SNAP25: variants seen among roughly 807,000 people sequenced by gnomAD.
SNAP25 encodes synaptosome associated protein 25, also known as synaptosomal-associated protein 25.
SNAP25 carries 3 observed loss-of-function variants against 28.7 expected under a neutral mutation model. The observed-to-expected ratio is 0.10, with a 90% CI of 0.05 to 0.27. SNAP25 has a LOEUF of 0.27. SNAP25 is among the 10% of genes least tolerant of loss of function. SNAP25 has a pLI of 1.00. For missense variants in SNAP25, 117 were observed against 278.7 expected, an observed-to-expected ratio of 0.42 and a Z score of 4.13; for synonymous variants, 61 against 88.1, an observed-to-expected ratio of 0.69 and a Z score of 1.72.
intron 1 of SNAP25, among the ~76,000 whole-genome samples, chr20:10,224,257 C>CTTTGTTTTTTTT (rs2062690304): frequency 5.7e-5 from 1 of 17,420 alleles, no homozygotes; most frequent in Non-Finnish European, 9.5e-5. Flanking sequence ...ATGTACATGT[C>CTTTGTTTTTTTT]TTTTTTTTTT....
chr20:10,266,476 C>T (rs562032871), intron 1 of SNAP25, among the ~76,000 whole-genome samples: 156 of 152,256 alleles, frequency 1.0e-3, no homozygotes, highest in Non-Finnish European at 1.7e-3. Context: ...AAAAAGGTGG[C>T]TATTGTGAGC....
intron 1 of SNAP25, among the ~76,000 whole-genome samples, chr20:10,251,693 T>A (rs2063231341): frequency 1.3e-5 from 2 of 152,234 alleles, no homozygotes; most frequent in Non-Finnish European, 2.9e-5. Flanking sequence ...TAACCTTTCC[T>A]GGGTGGCTTT....
At chr20:10,250,977 C>T (rs1203769983) in intron 1 of SNAP25, among the ~76,000 whole-genome samples, 1 of 152,164 alleles carries the variant, frequency 6.6e-6, no homozygotes, top group Non-Finnish European at 1.5e-5. Flanking sequence ...CCTAAGTACA[C>T]ACTATGATGT....
At chr20:10,280,926 T>C (rs1211361653) in intron 3 of SNAP25, among the ~76,000 whole-genome samples, 2 of 152,198 alleles carry the variant, frequency 1.3e-5, no homozygotes, top group Non-Finnish European at 2.9e-5. Context: ...AGCAGTCCTT[T>C]TCAGATATGC....
At chr20:10,273,943 A>G (rs1041399906) in intron 1 of SNAP25, among the ~76,000 whole-genome samples, 2 of 152,074 alleles carry the variant, frequency 1.3e-5, no homozygotes, top group African/African-American at 4.8e-5. Flanking sequence ...TTGCAAACCC[A>G]TGGGCACCCA....
intron 5 of SNAP25, among the ~76,000 whole-genome samples, chr20:10,294,396 G>T (rs753467081): frequency 6.6e-6 from 1 of 152,092 alleles, no homozygotes; most frequent in Non-Finnish European, 1.5e-5. Flanking sequence ...CTACAGTAAA[G>T]CCTGATTAAC....
intron 1 of SNAP25, among the ~76,000 whole-genome samples, chr20:10,249,233 T>C (rs1454610197): frequency 6.6e-6 from 1 of 152,218 alleles, no homozygotes; most frequent in Non-Finnish European, 1.5e-5. Context: ...AGCCACGCAT[T>C]TGTTTGCTCA....
intron 7 of SNAP25, among the ~76,000 whole-genome samples, chr20:10,301,293 G>T (rs1245061851): frequency 6.6e-6 from 1 of 152,170 alleles, no homozygotes; most frequent in African/African-American, 2.4e-5. Context: ...CCAGGCAGGT[G>T]GATGGATAAT....
chr20:10,241,086 C>G (rs996947605), intron 1 of SNAP25, among the ~76,000 whole-genome samples: 3 of 151,892 alleles, frequency 2.0e-5, no homozygotes, highest in Non-Finnish European at 4.4e-5. Context: ...AAGAGAGGCC[C>G]AGTGTGAACT....
At chr20:10,250,994 A>G (rs970770523) in intron 1 of SNAP25, among the ~76,000 whole-genome samples, 2 of 152,188 alleles carry the variant, frequency 1.3e-5, no homozygotes, top group African/African-American at 4.8e-5. Flanking sequence ...ATGTTTACAC[A>G]ACGATGAAAT....
chr20:10,233,084 C>T (rs144152356), intron 1 of SNAP25, among the ~76,000 whole-genome samples: 2 of 152,264 alleles, frequency 1.3e-5, no homozygotes, highest in African/African-American at 4.8e-5. Flanking sequence ...TCATAAAATC[C>T]AAACAGTCCA....
chr20:10,257,025 C>T lies in SNAP25; in HGVS notation c.-63-18404C>T, dbSNP rs112907513. Among the ~76,000 whole-genome samples the T allele has an allele frequency of 8.1e-3, 1,236 of 152,118 alleles. 22 individuals carry two copies. Among genetic ancestry groups the T allele is most frequent in the African/African-American group, 0.028 (1,141 of 41,464 alleles). On this transcript the variant is annotated intron_variant, in intron 1 of 7. Coordinates refer to ENST00000254976, the MANE Select transcript of SNAP25 (RefSeq NM_130811.4). ...TTGATTCTAAATAGTGCATTGGTTC[C>T]CAATCTTGGCTGCACACTAAAGTCA... is the stretch of plus-strand genomic sequence containing the variant.
At chr20:10,244,922 G>T (rs1461563350) in intron 1 of SNAP25, among the ~76,000 whole-genome samples, 2 of 151,944 alleles carry the variant, frequency 1.3e-5, no homozygotes, top group African/African-American at 4.8e-5. Flanking sequence ...GTAGAGACGG[G>T]GTTTCACCGT....
chr20:10,299,981 G>C (rs1303787625), intron 7 of SNAP25, among the ~76,000 whole-genome samples: 1 of 152,194 alleles, frequency 6.6e-6, no homozygotes, highest in African/African-American at 2.4e-5. Flanking sequence ...ACATGATTAT[G>C]AGCTTTGCTT....
At chr20:10,266,085 T>C (rs362569) in intron 1 of SNAP25, among the ~76,000 whole-genome samples, 56,737 of 152,030 alleles carry the variant, frequency 0.37, 11,119 homozygotes, top group Middle Eastern at 0.47. Context: ...CAACTAACAG[T>C]TGTGCGGCAT....
At chr20:10,273,873 C>T (rs1455677860) in intron 1 of SNAP25, among the ~76,000 whole-genome samples, 15 of 152,206 alleles carry the variant, frequency 9.9e-5, no homozygotes, top group South Asian at 2.1e-4. Flanking sequence ...CCTACCCCAT[C>T]GGGCCCTTTG....
chr20:10,250,526 C>T (rs363016), intron 1 of SNAP25, among the ~76,000 whole-genome samples: 84,480 of 152,016 alleles, frequency 0.56, 23,891 homozygotes, highest in Middle Eastern at 0.67. Context: ...TCTCTAGTCT[C>T]AAAAACCCTC....
intron 2 of SNAP25, 24 bp downstream of exon 2, chr20:10,275,587 G>C: frequency 6.4e-7 from 1 of 1,571,304 alleles, no homozygotes; most frequent in Non-Finnish European, 8.7e-7. Context: ...ACCTAGGAAG[G>C]GAGGCAAAAG....
At chr20:10,269,804 A>G (rs563234804) in intron 1 of SNAP25, among the ~76,000 whole-genome samples, 1 of 152,238 alleles carries the variant, frequency 6.6e-6, no homozygotes, top group Non-Finnish European at 1.5e-5. Context: ...ACATGTCACA[A>G]AATTTTTTCT....
Sources: gnomAD v4.1 joint callset for allele counts (sites outside exome capture counted in the v4.1 genomes callset) on GRCh38, gnomAD v4.1.1 for gene constraint, MANE v1.5 for transcripts, NCBI Gene and HGNC (gene_info 2026-07-23, HGNC 2026-07-21) for gene names.